CHST12: variants seen among roughly 807,000 people sequenced by gnomAD.
CHST12 encodes the protein carbohydrate (chondroitin 4) sulfotransferase 12.
In CHST12, 23 loss-of-function variants were observed where a neutral mutation model predicts 27.9. That is an observed-to-expected ratio of 0.82 (90% confidence interval 0.59 to 1.17). The LOEUF (loss-of-function observed/expected upper bound fraction) is 1.17. CHST12 is among the 50% of genes most tolerant of loss of function. CHST12 has a pLI of 0.00. For synonymous variants in CHST12, 322 were observed against 273.0 expected, an observed-to-expected ratio of 1.18 and a Z score of -1.77; for missense variants, 682 against 603.0, an observed-to-expected ratio of 1.13 and a Z score of -1.37.
chr7:2,433,857 C>A lies in CHST12; in HGVS notation c.1218C>A (p.Pro406=). 6.3e-7 allele frequency: 1 copy of A among 1,583,076 alleles called. No homozygotes were observed. Among genetic ancestry groups the A allele is most frequent in the Non-Finnish European group, 8.6e-7 (1 of 1,159,320 alleles). Residue 406 remains proline, a synonymous_variant, in exon 2 of 2, where the codon CCC becomes CCA. Transcript: ENST00000618655. This position sits in a 1 kb window ranked among gnomAD's most constrained non-coding sequence, Gnocchi z 6.1. Reference sequence around the variant, plus strand: ...CCGACTTTGTTCTCTTCGGCTACCCCAAGCCCGAAAACCTCCTCCGAGACT... The same window carrying A: ...CCGACTTTGTTCTCTTCGGCTACCCAAAGCCCGAAAACCTCCTCCGAGACT... ...YEADFVLFGY[P]KPENLLRD
Position 2,433,268 on chromosome 7 carries a change from C to G in CHST12, c.629C>G (p.Ala210Gly), listed in dbSNP as rs73279322. Reference protein sequence around the residue: ...LRIPREHVHNASAHLTFNKFW... With the variant: ...LRIPREHVHNGSAHLTFNKFW... ...ATCCCGCGCGAGCACGTGCACAACG[C>G]CAGCGCGCACCTGACCTTCAACAAG... Residue 210 changes from alanine to glycine, a missense_variant, in exon 2 of 2, where the codon GCC becomes GGC. Coordinates refer to ENST00000618655, the MANE Select transcript of CHST12 (RefSeq NM_018641.5). The surrounding 1 kb of genome is among the most constrained non-coding windows in gnomAD (Gnocchi z 6.1). The G allele has an allele frequency of 1.3e-3, 2,089 of 1,611,666 alleles. 23 individuals carry two copies. The African/African-American group carries it at 0.025, about 19-fold the overall frequency.
In CHST12 at chr7:2,444,283, C is replaced by CAAAAAAAAAAA. The variant is rs1212965508; in HGVS notation, c.*10414_*10424dup. ...TGGGCGACAGAGCGAGACTCCGTCTCAAAAAAAAAAAAAAAAAAAAAAAAA... is the reference window on the plus strand; with the variant it reads ...TGGGCGACAGAGCGAGACTCCGTCTCAAAAAAAAAAAAAAAAAAAAAAAAAAAAAAAAAAAA... On this transcript the variant is annotated 3_prime_UTR_variant, in exon 2 of 2. Transcript: ENST00000618655. 2 of 34,332 alleles carry CAAAAAAAAAAA rather than the reference C, an allele frequency of 5.8e-5. No individual in the cohort carries two copies. The highest frequency in any genetic ancestry group is 1.1e-4 in the Non-Finnish European group (2 of 18,496). 2.1% of individuals were successfully genotyped at this position (34,332 alleles called of 1,614,324 possible).
intron 1 of CHST12, among the ~76,000 whole-genome samples, chr7:2,422,120 CCTATGTCGGCGATGT>C (rs1411951187): frequency 1.3e-5 from 2 of 152,212 alleles, no homozygotes; most frequent in Non-Finnish European, 2.9e-5. Flanking sequence ...CTGGCGTCTG[CCTATGTCGGCGATGT>C]GACTGACTCC....
chr7:2,442,499 G>A lies in CHST12; in HGVS notation c.*8615G>A, dbSNP rs1179684547. The A allele has an allele frequency of 3.9e-5, 6 of 152,240 alleles. No individual in the cohort carries two copies. The highest frequency in any genetic ancestry group is 7.3e-5 in the Non-Finnish European group (5 of 68,118). The allele number at this position is 152,240 out of a possible 1,614,324, so 9.4% of individuals were successfully genotyped here. On this transcript the variant is annotated 3_prime_UTR_variant, in exon 2 of 2. Transcript: ENST00000618655. Reference sequence around the variant, plus strand: ...CTGCCTCAGCCTCCCGAGTAGCTGGGACTACAGGTGCCCACCACCACGCCT... The same window carrying A: ...CTGCCTCAGCCTCCCGAGTAGCTGGAACTACAGGTGCCCACCACCACGCCT...
Position 2,436,778 on chromosome 7 carries a change from C to T in CHST12, c.*2894C>T, listed in dbSNP as rs1782484128. On this transcript the variant is annotated 3_prime_UTR_variant, in exon 2 of 2. Coordinates refer to ENST00000618655, the MANE Select transcript of CHST12 (RefSeq NM_018641.5). ...GCATTCCCAGTTCTTGGTATGGTTCCTCTGAGGTTCGGTTTTCCTGAGCAC... is the reference window on the plus strand; with the variant it reads ...GCATTCCCAGTTCTTGGTATGGTTCTTCTGAGGTTCGGTTTTCCTGAGCAC... 6.6e-6 allele frequency: 1 copy of T among 152,316 alleles called. No individual in the cohort carries two copies. Among genetic ancestry groups the T allele is most frequent in the Non-Finnish European group, 1.5e-5 (1 of 68,090 alleles). The allele number at this position is 152,316 out of a possible 1,614,324, so 9.4% of individuals were successfully genotyped here. A position where few individuals can be genotyped will look rare whatever the true frequency, so the allele number is the denominator to read the frequency against.
chr7:2,432,343 G>C (rs1054192285), intron 1 of CHST12, among the ~76,000 whole-genome samples: 4 of 151,920 alleles, frequency 2.6e-5, no homozygotes, highest in Non-Finnish European at 5.9e-5. Flanking sequence ...AGGGAAGCAC[G>C]CGAGCCTTGG....
rs1311237082 is a variant in CHST12 at position 2,447,310 on chromosome 7, T to C, written c.*13426T>C. ...CTCCTCCTCTTACATCAGCAAACCT[T>C]CTGTTCGGTGACCCCCTCAGTGACC... On this transcript the variant is annotated 3_prime_UTR_variant, in exon 2 of 2. Coordinates refer to ENST00000618655, the MANE Select transcript of CHST12 (RefSeq NM_018641.5). 1 of 152,258 alleles carries C rather than the reference T, an allele frequency of 6.6e-6. No individual in the cohort carries two copies. Among genetic ancestry groups the C allele is most frequent in the Non-Finnish European group, 1.5e-5 (1 of 68,092 alleles). The allele number at this position is 152,258 out of a possible 1,614,324, so 9.4% of individuals were successfully genotyped here.
rs1028490550 is a variant in CHST12, at chr7:2,441,896, A to G, written c.*8012A>G. The stretch of plus-strand genomic sequence containing the variant: ...TTGTGGTAAGATACATGCAACATAA[A>G]ATGTGCCCTCTTCCCCATTTTTAAG... On this transcript the variant is annotated 3_prime_UTR_variant, in exon 2 of 2. Transcript: ENST00000618655. The G allele has an allele frequency of 3.9e-5, 6 of 152,076 alleles. No individual in the cohort carries two copies. The highest frequency in any genetic ancestry group is 2.1e-4 in the South Asian group (1 of 4,824). The allele number at this position is 152,076 out of a possible 1,614,324, so 9.4% of individuals were successfully genotyped here. A position where few individuals can be genotyped will look rare whatever the true frequency, so the allele number is the denominator to read the frequency against.
At chr7:2,425,476 TAGAA>T (rs1321659914) in intron 1 of CHST12, among the ~76,000 whole-genome samples, 2 of 152,106 alleles carry the variant, frequency 1.3e-5, no homozygotes, top group African/African-American at 2.4e-5. Flanking sequence ...CTCAAACATC[TAGAA>T]AGAAAGAGAT....
intron 1 of CHST12, among the ~76,000 whole-genome samples, chr7:2,419,766 T>G (rs1016333740): frequency 3.3e-5 from 5 of 151,506 alleles, no homozygotes; most frequent in Non-Finnish European, 5.9e-5. Flanking sequence ...TTTGGTGGTG[T>G]TAAGCACGTT....
Position 2,447,565 on chromosome 7 carries a change from C to T in CHST12, c.*13681C>T, listed in dbSNP as rs1462916261. On this transcript the variant is annotated 3_prime_UTR_variant, in exon 2 of 2. Transcript: ENST00000618655. The stretch of plus-strand genomic sequence containing the variant: ...TTAGCTCACTGCAACCTCCACCTCC[C>T]AGGTTCAAGCGATTTTCATGCCTCA... 2.0e-5 allele frequency: 3 copies of T among 152,188 alleles called. No individual in the cohort carries two copies. The highest frequency in any genetic ancestry group is 4.8e-5 in the African/African-American group (2 of 41,394). 9.4% of individuals were successfully genotyped at this position (152,188 alleles called of 1,614,324 possible).
intron 1 of CHST12, among the ~76,000 whole-genome samples, chr7:2,421,281 T>A (rs1781966432): frequency 1.3e-5 from 2 of 149,158 alleles, no homozygotes; most frequent in South Asian, 4.3e-4. Context: ...GGTCTTGGTA[T>A]GTTGCCCAGG....
rs1193136101 is a variant in CHST12 at position 2,437,592 on chromosome 7, T to C, written c.*3708T>C. On this transcript the variant is annotated 3_prime_UTR_variant, in exon 2 of 2. Coordinates refer to ENST00000618655, the MANE Select transcript of CHST12 (RefSeq NM_018641.5). ...GTTTGGTTTTGGCCCTATGTCTTGATGGAGGGCAAGGGTTAGGATTTCAGT... is the reference window on the plus strand; with the variant it reads ...GTTTGGTTTTGGCCCTATGTCTTGACGGAGGGCAAGGGTTAGGATTTCAGT... 6.6e-6 allele frequency: 1 copy of C among 152,240 alleles called. No homozygotes were observed. The highest frequency in any genetic ancestry group is 1.5e-5 in the Non-Finnish European group (1 of 68,068). 9.4% of individuals were successfully genotyped at this position (152,240 alleles called of 1,614,324 possible).
intron 1 of CHST12, among the ~76,000 whole-genome samples, chr7:2,405,597 C>A (rs1470450970): frequency 6.6e-6 from 1 of 152,100 alleles, no homozygotes; most frequent in South Asian, 2.1e-4. Flanking sequence ...TGCCTCTGGG[C>A]AGTGGAGCTG....
chr7:2,428,448 G>A (rs949488869), intron 1 of CHST12, among the ~76,000 whole-genome samples: 5 of 152,098 alleles, frequency 3.3e-5, no homozygotes, highest in East Asian at 1.9e-4. Flanking sequence ...GTTCCCAGGC[G>A]GATCAGCAGG....
Position 2,443,477 on chromosome 7 carries a change from C to T in CHST12, c.*9593C>T, listed in dbSNP as rs952277154. 3.3e-5 allele frequency: 5 copies of T among 152,182 alleles called. No individual in the cohort carries two copies. The highest frequency in any genetic ancestry group is 1.2e-4 in the African/African-American group (5 of 41,422). 9.4% of individuals were successfully genotyped at this position (152,182 alleles called of 1,614,324 possible). On this transcript the variant is annotated 3_prime_UTR_variant, in exon 2 of 2. Coordinates refer to ENST00000618655, the MANE Select transcript of CHST12 (RefSeq NM_018641.5). ...AAAATTGCCTCTCATGAAACCAGTC[C>T]CTGGTGCCAAAAAGGTTGGGGACCG...
chr7:2,433,510 G>A lies in CHST12; in HGVS notation c.871G>A (p.Ala291Thr). 1 of 1,612,410 alleles carries A rather than the reference G, an allele frequency of 6.2e-7. No homozygotes were observed. The highest frequency in any genetic ancestry group is 8.5e-7 in the Non-Finnish European group (1 of 1,179,904). The change falls in exon 2 of 2, where the codon GCC (alanine) becomes ACC (threonine). Residue 291 changes from alanine to threonine, a missense_variant. Ala to Thr is a moderately conservative substitution (Grantham distance 58). Transcript: ENST00000618655. The surrounding 1 kb of genome is among the most constrained non-coding windows in gnomAD (Gnocchi z 6.1). The part of the protein sequence containing the change: ...HTSLPASARE[A>T]FRAGLKVSFA... ...CAGCCTGCCCGCCTCGGCGCGCGAG[G>A]CCTTCCGCGCTGGCCTCAAGGTGTC...
rs28408467 is a variant in CHST12 at position 2,437,732 on chromosome 7, G to A, written c.*3848G>A. The A allele has an allele frequency of 0.012, 1,832 of 148,434 alleles. 26 individuals carry two copies. The highest frequency in any genetic ancestry group is 0.042 in the African/African-American group (1,683 of 39,834). The allele number at this position is 148,434 out of a possible 1,614,324, so 9.2% of individuals were successfully genotyped here. ...AATCAGAACACACACACACACGCGC[G>A]CACACACACACACACACACACACTC... On this transcript the variant is annotated 3_prime_UTR_variant, in exon 2 of 2. Transcript: ENST00000618655.
Position 2,436,607 on chromosome 7 carries a change from T to A in CHST12, c.*2723T>A, listed in dbSNP as rs1360236003. On this transcript the variant is annotated 3_prime_UTR_variant, in exon 2 of 2. Transcript: ENST00000618655. ...TGTCAGTGAATCTGCTGAGGGCTTG[T>A]TTTCCGTATTCTGGGCATGGCCCTT... 1 of 152,276 alleles carries A rather than the reference T, an allele frequency of 6.6e-6. No individual in the cohort carries two copies. The highest frequency in any genetic ancestry group is 1.5e-5 in the Non-Finnish European group (1 of 68,102). 9.4% of individuals were successfully genotyped at this position (152,276 alleles called of 1,614,324 possible).
Sources: allele counts gnomAD v4.1 joint callset (sites outside exome capture counted in the v4.1 genomes callset), GRCh38; gene constraint gnomAD v4.1.1; non-coding constraint Gnocchi (gnomAD v3.1); transcripts MANE v1.5; gene names NCBI Gene and HGNC (gene_info 2026-07-23, HGNC 2026-07-21).